The following SLC35F4 variants were observed in gnomAD, a reference collection of about 807,000 sequenced individuals.
The protein encoded by SLC35F4 is solute carrier family 35 member F4, also known as chromosome 14 open reading frame 36.
Under a neutral mutation model 44.2 loss-of-function variants are expected in SLC35F4, and 24 were observed. The observed-to-expected ratio is 0.54, with a 90% confidence interval of 0.39 to 0.76. The LOEUF is 0.76. SLC35F4 is among the 30% of genes least tolerant of loss of function. The pLI is 0.00. For synonymous variants in SLC35F4, 238 were observed against 223.6 expected (o/e 1.06, Z -0.57); for missense variants, 562 against 586.1 (o/e 0.96, Z 0.42).
chr14:57,928,187 A>G (rs909630841), intron 1 of SLC35F4, among the ~76,000 whole-genome samples: 1 of 152,150 alleles, frequency 6.6e-6, no homozygotes, highest in Non-Finnish European at 1.5e-5. Flanking sequence ...CAGAGATGCC[A>G]AGTAGGGAGG....
At chr14:57,597,822 C>T (rs1245671664) in intron 1 of SLC35F4, among the ~76,000 whole-genome samples, 1 of 152,130 alleles carries the variant, frequency 6.6e-6, no homozygotes, top group Admixed American at 6.5e-5. Context: ...TCTCAATATA[C>T]AAGAGTATTG....
rs8014457 is a variant in SLC35F4, at chr14:57,569,711, T to G, written c.1126+77A>C. ...TAGAGCACAGAGTTACCCAAGGAAA[T>G]AATCCTATGATGATAATCTAACTAG... On this transcript the variant is annotated intron_variant, in intron 6 of 7. Transcript: ENST00000556826. 986 of 1,387,074 alleles carry G rather than the reference T, an allele frequency of 7.1e-4. 9 individuals carry two copies. The African/African-American group carries it at 0.012, about 17-fold the overall frequency. 85.9% of individuals were successfully genotyped at this position (1,387,074 alleles called of 1,614,324 possible).
intron 7 of SLC35F4, among the ~76,000 whole-genome samples, chr14:57,566,031 G>C (rs1376970719): frequency 6.6e-6 from 1 of 152,084 alleles, no homozygotes; most frequent in African/African-American, 2.4e-5. Context: ...ATCTATTCCA[G>C]AGGGCCATCT....
At chr14:57,582,447 T>C (rs1388218542) in intron 3 of SLC35F4, among the ~76,000 whole-genome samples, 2 of 152,040 alleles carry the variant, frequency 1.3e-5, no homozygotes, top group South Asian at 4.1e-4. Context: ...GGTGATCTGC[T>C]CACCTTGGCC....
At chr14:57,596,783 G>A in intron 1 of SLC35F4, 1 of 1,366,344 alleles carries the variant, frequency 7.3e-7, no homozygotes, top group South Asian at 1.1e-5. Context: ...AAAATATTAT[G>A]TCCTGGCTTC....
rs754988437 is a variant in SLC35F4 at position 57,596,763 on chromosome 14, C to CGA, written c.104-2640_104-2639insTC. The CGA allele has an allele frequency of 3.7e-6, 5 of 1,361,540 alleles. No individual in the cohort carries two copies. In the South Asian group the frequency reaches 5.7e-5, roughly 15 times the overall value. 84.3% of individuals were successfully genotyped at this position (1,361,540 alleles called of 1,614,324 possible). ...ACACCAGTGATTTATCTTCCTTTCT[C>CGA]ATTTTCACTAAAATATTATGTCCTG... is the stretch of plus-strand genomic sequence containing the variant. On this transcript the variant is annotated intron_variant, in intron 1 of 7. Coordinates refer to ENST00000556826, the MANE Select transcript of SLC35F4 (RefSeq NM_001306087.2).
chr14:57,774,902 A>G (rs750960408), intron 1 of SLC35F4, among the ~76,000 whole-genome samples: 9 of 152,042 alleles, frequency 5.9e-5, no homozygotes, highest in Non-Finnish European at 1.2e-4. Context: ...GTGCACCACG[A>G]CAAGCCACTG....
Position 57,747,460 on chromosome 14 carries a change from A to G in SLC35F4, c.103+118263T>C, listed in dbSNP as rs527731697. Among the ~76,000 whole-genome samples, 8 of 152,320 alleles carry G rather than the reference A, an allele frequency of 5.3e-5. No individual in the cohort carries two copies. In the East Asian group the frequency reaches 5.8e-4, roughly 11 times the overall value. ...AATATTTTCATATGAAACATTTCAA[A>G]TAGGATGCAAGAGTAAAGAAAAGGG... On this transcript the variant is annotated intron_variant, in intron 1 of 7. Transcript: ENST00000556826.
intron 1 of SLC35F4, among the ~76,000 whole-genome samples, chr14:57,923,653 TTC>T (rs1029114629): frequency 1.4e-4 from 21 of 152,354 alleles, no homozygotes; most frequent in African/African-American, 4.3e-4. Context: ...TATTTCCCTC[TTC>T]TCTCTCTCCT....
At chr14:57,905,616 G>A (rs146652885) in intron 1 of SLC35F4, among the ~76,000 whole-genome samples, 1 of 152,200 alleles carries the variant, frequency 6.6e-6, no homozygotes, top group Non-Finnish European at 1.5e-5. Context: ...GAACCTTAGA[G>A]TACTTTTAGC....
intron 1 of SLC35F4, among the ~76,000 whole-genome samples, chr14:57,758,879 G>A (rs2077057465): frequency 6.6e-6 from 1 of 152,082 alleles, no homozygotes; most frequent in Non-Finnish European, 1.5e-5. Context: ...TCATTGAACA[G>A]GAACTCTCCA....
chr14:57,647,849 C>T (rs189204085), intron 1 of SLC35F4, among the ~76,000 whole-genome samples: 13 of 152,228 alleles, frequency 8.5e-5, no homozygotes, highest in Non-Finnish European at 1.5e-4. Flanking sequence ...CTGATCACCC[C>T]GGCCTGTCCT....
chr14:57,948,542 CTCTAA>C (rs1200922101), intron 1 of SLC35F4, among the ~76,000 whole-genome samples: 2 of 151,876 alleles, frequency 1.3e-5, no homozygotes, highest in African/African-American at 4.8e-5. Context: ...TTTAGTTCTG[CTCTAA>C]TCTTTGTTAT....
chr14:57,656,041 C>G (rs551206113), intron 1 of SLC35F4, among the ~76,000 whole-genome samples: 268 of 152,126 alleles, frequency 1.8e-3, no homozygotes, highest in African/African-American at 6.2e-3. Flanking sequence ...CCCTCCTGGG[C>G]AAGTTTTGGG....
intron 1 of SLC35F4, among the ~76,000 whole-genome samples, chr14:57,953,549 A>G (rs576399722): frequency 6.6e-6 from 1 of 152,356 alleles, no homozygotes; most frequent in Admixed American, 6.5e-5. Flanking sequence ...ATGTGAAAAG[A>G]CACACATGGG....
chr14:57,953,968 A>C (rs1289317198), intron 1 of SLC35F4, among the ~76,000 whole-genome samples: 1 of 152,216 alleles, frequency 6.6e-6, no homozygotes, highest in Non-Finnish European at 1.5e-5. Flanking sequence ...AATCAACAGA[A>C]TGTACTTTCT....
At chr14:57,746,094 G>C (rs965791971) in intron 1 of SLC35F4, among the ~76,000 whole-genome samples, 1 of 151,896 alleles carries the variant, frequency 6.6e-6, no homozygotes, top group Non-Finnish European at 1.5e-5. Context: ...GGAGTGGGGG[G>C]CAGGGGGAAG....
chr14:57,600,188 A>T (rs926533286), intron 1 of SLC35F4, among the ~76,000 whole-genome samples: 3 of 152,168 alleles, frequency 2.0e-5, no homozygotes, highest in African/African-American at 7.2e-5. Context: ...AGCTCACGTA[A>T]ATTATATATT....
intron 1 of SLC35F4, among the ~76,000 whole-genome samples, chr14:57,693,451 C>T (rs1205463712): frequency 6.6e-6 from 1 of 152,184 alleles, no homozygotes; most frequent in Non-Finnish European, 1.5e-5. Flanking sequence ...GGGCAGAAAA[C>T]TGCTTAAAGG....
Sources: gnomAD v4.1 joint callset for allele counts (sites outside exome capture counted in the v4.1 genomes callset) on GRCh38, gnomAD v4.1.1 for gene constraint, MANE v1.5 for transcripts, NCBI Gene and HGNC (gene_info 2026-07-23, HGNC 2026-07-21) for gene names.